SCHIP1: variants seen among roughly 807,000 people sequenced by gnomAD.
SCHIP1 encodes schwannomin interacting protein 1, also known as schwannomin-interacting protein 1.
In SCHIP1, 8 loss-of-function variants were observed where a neutral mutation model predicts 29.7. That is an observed-to-expected ratio of 0.27 (90% CI 0.16 to 0.49). The LOEUF (loss-of-function observed/expected upper bound fraction) is 0.49, where lower values mean the gene tolerates loss of function less well. SCHIP1 is among the 20% of genes least tolerant of loss of function. The pLI, the probability that SCHIP1 is intolerant of heterozygous loss-of-function variation, is 0.99. For missense variants in SCHIP1, 193 were observed against 294.6 expected (o/e 0.66, Z 2.52); for synonymous variants, 76 against 94.9 (o/e 0.80, Z 1.16).
the SCHIP1 span, among the ~76,000 whole-genome samples, chr3:159,544,278 C>T: frequency 6.6e-6 from 1 of 151,928 alleles, no homozygotes; most frequent in African/African-American, 2.4e-5. Flanking sequence ...TGTTAAATTT[C>T]ATTGAATGAG....
chr3:159,587,618 C>G, the SCHIP1 span, among the ~76,000 whole-genome samples: 6 of 152,266 alleles, frequency 3.9e-5, no homozygotes, highest in East Asian at 1.9e-4. Flanking sequence ...ATCCCTCCCC[C>G]CTTTCCCCAC....
At chr3:159,542,524 C>T in the SCHIP1 span, among the ~76,000 whole-genome samples, 2 of 152,030 alleles carry the variant, frequency 1.3e-5, no homozygotes, top group African/African-American at 4.8e-5. Context: ...GAGATTCACC[C>T]TTGCGGTTTC....
At chr3:159,638,716 G>A in the SCHIP1 span, among the ~76,000 whole-genome samples, 1 of 151,864 alleles carries the variant, frequency 6.6e-6, no homozygotes, top group Non-Finnish European at 1.5e-5. Flanking sequence ...TCCTGAGTGG[G>A]TCTAAAGCAG....
chr3:159,620,669 TGG>T, the SCHIP1 span, among the ~76,000 whole-genome samples: 80 of 152,354 alleles, frequency 5.3e-4, 2 homozygotes, highest in East Asian at 0.012. Context: ...TGCTGTGGAC[TGG>T]GTCCCACTCA....
At chr3:159,386,575 C>T in the SCHIP1 span, among the ~76,000 whole-genome samples, 1 of 152,042 alleles carries the variant, frequency 6.6e-6, no homozygotes, top group Non-Finnish European at 1.5e-5. Flanking sequence ...AAAAAGAGCC[C>T]ACATAGCCAA....
At chr3:159,457,998 T>A in the SCHIP1 span, among the ~76,000 whole-genome samples, 1 of 152,116 alleles carries the variant, frequency 6.6e-6, no homozygotes, top group African/African-American at 2.4e-5. Flanking sequence ...TTGGCAAAAA[T>A]ATATTAAACC....
At chr3:159,712,554 A>C in the SCHIP1 span, among the ~76,000 whole-genome samples, 513 of 145,188 alleles carry the variant, frequency 3.5e-3, 4 homozygotes, top group African/African-American at 0.012. Context: ...CTGTCACTAC[A>C]AAAAAAAAAA....
chr3:159,400,637 A>G, the SCHIP1 span, among the ~76,000 whole-genome samples: 2 of 152,198 alleles, frequency 1.3e-5, no homozygotes, highest in African/African-American at 4.8e-5. Context: ...AATGAGTCTG[A>G]CTGTGGTGTC....
At chr3:159,648,908 A>C in the SCHIP1 span, among the ~76,000 whole-genome samples, 1 of 151,712 alleles carries the variant, frequency 6.6e-6, no homozygotes, top group African/African-American at 2.4e-5. Flanking sequence ...AGAATGTTCT[A>C]TCTTGTTTAA....
At chr3:159,586,324 A>G in the SCHIP1 span, among the ~76,000 whole-genome samples, 2 of 152,180 alleles carry the variant, frequency 1.3e-5, no homozygotes, top group Non-Finnish European at 2.9e-5. Context: ...TGAAGCTGGA[A>G]GGATGAACCA....
chr3:159,670,549 TAC>T, the SCHIP1 span, among the ~76,000 whole-genome samples: 2 of 152,242 alleles, frequency 1.3e-5, no homozygotes, highest in African/African-American at 2.4e-5. Flanking sequence ...GCCATTCTAA[TAC>T]ACACTTTTCT....
chr3:159,858,072 A>G (rs1045501924), intron 1 of SCHIP1, among the ~76,000 whole-genome samples: 12 of 152,198 alleles, frequency 7.9e-5, no homozygotes, highest in Admixed American at 4.6e-4. Context: ...ATAACCATGC[A>G]GTAGGTGTTT....
chr3:159,834,589 C>G, the SCHIP1 span, among the ~76,000 whole-genome samples: 1 of 152,138 alleles, frequency 6.6e-6, no homozygotes, highest in African/African-American at 2.4e-5. Flanking sequence ...TAGATGATGC[C>G]AGTTTTGTTG....
chr3:159,441,859 C>CTATTAT, the SCHIP1 span, among the ~76,000 whole-genome samples: 26 of 151,302 alleles, frequency 1.7e-4, no homozygotes, highest in Admixed American at 9.9e-4. Flanking sequence ...ATTATTATTA[C>CTATTAT]TATTATTATT....
At chr3:159,516,560 A>G in the SCHIP1 span, among the ~76,000 whole-genome samples, 3 of 151,304 alleles carry the variant, frequency 2.0e-5, no homozygotes, top group African/African-American at 7.3e-5. Flanking sequence ...CCCCTCTCCA[A>G]CCCCTCCTTC....
the SCHIP1 span, among the ~76,000 whole-genome samples, chr3:159,581,207 A>C: frequency 6.6e-6 from 1 of 152,164 alleles, no homozygotes; most frequent in South Asian, 2.1e-4. Flanking sequence ...CATTATATAT[A>C]AAACAGAGAA....
chr3:159,425,840 A>G, the SCHIP1 span, among the ~76,000 whole-genome samples: 7 of 152,132 alleles, frequency 4.6e-5, no homozygotes, highest in African/African-American at 1.2e-4. Flanking sequence ...ATAACAAACT[A>G]TCTCTCGGAC....
At chr3:159,697,799 T>C in the SCHIP1 span, among the ~76,000 whole-genome samples, 2 of 152,160 alleles carry the variant, frequency 1.3e-5, no homozygotes, top group East Asian at 1.9e-4. Context: ...TGAAGACAAA[T>C]GAAATGTATT....
At chr3:159,832,896 A>G in the SCHIP1 span, among the ~76,000 whole-genome samples, 1 of 152,166 alleles carries the variant, frequency 6.6e-6, no homozygotes, top group Non-Finnish European at 1.5e-5. Flanking sequence ...CCACATTCAC[A>G]TGACTGTTAC....
Sources: gnomAD v4.1 joint callset for allele counts (sites outside exome capture counted in the v4.1 genomes callset) on GRCh38, gnomAD v4.1.1 for gene constraint, MANE v1.5 for transcripts, NCBI Gene and HGNC (gene_info 2026-07-23, HGNC 2026-07-21) for gene names.